The following FGF22 variants were observed in gnomAD, a reference collection of about 807,000 sequenced individuals.
The protein encoded by FGF22 is fibroblast growth factor 22.
Under a neutral mutation model 10.3 loss-of-function variants are expected in FGF22, and 11 were observed. That is an observed-to-expected ratio of 1.07 (90% CI 0.67 to 1.77). FGF22 has a LOEUF of 1.77. Ranked by LOEUF, FGF22 falls within the 40% of genes most tolerant of loss-of-function variation. The pLI is 0.00. For missense variants in FGF22, 317 were observed against 273.2 expected, an observed-to-expected ratio of 1.16 and a Z score of -1.13; for synonymous variants, 136 against 122.1, an observed-to-expected ratio of 1.11 and a Z score of -0.75.
chr19:640,201 C>G lies in FGF22; in HGVS notation c.214+62C>G, dbSNP rs893024617. The G allele has an allele frequency of 1.2e-5, 14 of 1,142,476 alleles. No homozygotes were observed. The African/African-American group carries it at 2.3e-4, about 18-fold the overall frequency. 70.8% of individuals were successfully genotyped at this position (1,142,476 alleles called of 1,614,324 possible). A position where few individuals can be genotyped will look rare whatever the true frequency, so the allele number is the denominator to read the frequency against. ...CGGCGGGTGACGGCAACGCGGCCGC[C>G]GTCTTCACGGTGACCTGCGCCCGCG... is the stretch of plus-strand genomic sequence containing the variant. On this transcript the variant is annotated intron_variant, in intron 1 of 2. Transcript: ENST00000215530.
intron 1 of FGF22, among the ~76,000 whole-genome samples, 190 bp from the exon 2 acceptor site, chr19:643,044 TG>T (rs796395085): frequency 7.2e-3 from 113 of 15,696 alleles, no homozygotes; most frequent in African/African-American, 0.017. Context: ...CCTCACATGC[TG>T]GGGGGGGCTC....
At position 643,397 on chromosome 19, in the gene FGF22, C is replaced by G; in HGVS notation, c.319-13C>G. Reference sequence around the variant, plus strand: ...GGGTGGGGAGGGTGGGCCGGCCTCACCCCCGCCCGCAGCGACTCTACACCG... The same window carrying G: ...GGGTGGGGAGGGTGGGCCGGCCTCAGCCCCGCCCGCAGCGACTCTACACCG... On this transcript the variant is annotated splice_polypyrimidine_tract_variant and intron_variant, in intron 2 of 2. Coordinates refer to ENST00000215530, the Ensembl canonical transcript of FGF22. 6.2e-7 allele frequency: 1 copy of G among 1,608,130 alleles called. No homozygotes were observed. Among genetic ancestry groups the G allele is most frequent in the South Asian group, 1.1e-5 (1 of 90,766 alleles).
chr19:640,707 G>A (rs965761456), intron 1 of FGF22: 6 of 176,730 alleles, frequency 3.4e-5, no homozygotes, highest in South Asian at 1.2e-4. Context: ...ACTGAGGTAG[G>A]CCCTCAGTGT....
At chr19:639,919 C>T (rs924205999) in exon 1 of FGF22, 10 of 1,218,596 alleles carry the variant, frequency 8.2e-6, no homozygotes, top group Non-Finnish European at 9.2e-6. Context: ...GAACCGGGTG[C>T]CGGGTCATGC....
chr19:643,422 G>A lies in FGF22; in HGVS notation c.331G>A (p.Val111Met), dbSNP rs148675872. The A allele has an allele frequency of 5.6e-5, 91 of 1,611,086 alleles. No homozygotes were observed. The highest frequency in any genetic ancestry group is 1.1e-4 in the African/African-American group (8 of 74,870). The stretch of plus-strand genomic sequence containing the variant: ...CCCCCGCCCGCAGCGACTCTACACC[G>A]TGGACTGCAGGTTCCGGGAGCGCAT... The change falls in exon 3 of 3, where the codon GTG (valine) becomes ATG (methionine). Residue 111 changes from valine (V) to methionine (M), a missense_variant. By Grantham distance (21) the Val-to-Met change is conservative (BLOSUM62 1). Transcript: ENST00000215530.
chr19:641,607 C>T (rs1029609522), intron 1 of FGF22: 3 of 255,838 alleles, frequency 1.2e-5, no homozygotes, highest in African/African-American at 4.5e-5. Flanking sequence ...CAGTGAATGA[C>T]GTGAACAAGG....
At chr19:641,339 G>A in intron 1 of FGF22, 1 of 446,062 alleles carries the variant, frequency 2.2e-6, no homozygotes. Context: ...CACTTTGGGA[G>A]GCCGAGGCGG....
chr19:642,071 A>G (rs973754933), intron 1 of FGF22, among the ~76,000 whole-genome samples: 2 of 152,166 alleles, frequency 1.3e-5, no homozygotes, highest in Non-Finnish European at 2.9e-5. Context: ...GACAGCTGGC[A>G]TACAGTCGGC....
chr19:642,436 G>C (rs57828076), intron 1 of FGF22, among the ~76,000 whole-genome samples: 6 of 88,498 alleles, frequency 6.8e-5, no homozygotes, highest in African/African-American at 2.6e-4. Context: ...GGGCTGGGGG[G>C]TCTCTGGGGT....
chr19:643,743 C>G (rs1203818315), exon 3 of FGF22: 2 of 729,402 alleles, frequency 2.7e-6, no homozygotes. Flanking sequence ...CCCAGGAGCC[C>G]TCCAGGGGGG....
chr19:640,671 C>G (rs1350079166), intron 1 of FGF22: 1 of 157,180 alleles, frequency 6.4e-6, no homozygotes, highest in Non-Finnish European at 1.4e-5. Flanking sequence ...GAGCGGGCGT[C>G]TCTGTCCCCA....
chr19:641,266 C>T (rs1000826064), intron 1 of FGF22: 17 of 455,736 alleles, frequency 3.7e-5, no homozygotes, highest in Admixed American at 3.1e-4. Context: ...AACAAGGGCG[C>T]AGGTGGGTGC....
chr19:642,845 C>G (rs1284351842), intron 1 of FGF22, among the ~76,000 whole-genome samples: 2 of 130,912 alleles, frequency 1.5e-5, no homozygotes, highest in African/African-American at 6.3e-5. Context: ...GTTGCTGCCC[C>G]CCTGACGTCC....
At chr19:641,764 G>C (rs1299141980) in intron 1 of FGF22, among the ~76,000 whole-genome samples, 2 of 152,122 alleles carry the variant, frequency 1.3e-5, no homozygotes, top group African/African-American at 4.8e-5. Context: ...TGTGTGTCCT[G>C]GAAGGTCGGG....
exon 3 of FGF22, chr19:643,904 C>T (rs1247928254): frequency 2.3e-4 from 8 of 35,032 alleles, no homozygotes; most frequent in East Asian, 7.0e-4. Context: ...GGCAGGGGCT[C>T]GGGGTGGGGA....
chr19:643,164 C>G (rs1380903909), intron 1 of FGF22, 71 bp from the exon 2 acceptor site: 8 of 471,164 alleles, frequency 1.7e-5, no homozygotes, highest in Middle Eastern at 4.8e-4. Context: ...GGGCCCTGCA[C>G]GAAGCACAGC....
exon 3 of FGF22, chr19:643,581 T>C: frequency 6.4e-7 from 1 of 1,555,674 alleles, no homozygotes; most frequent in Non-Finnish European, 8.6e-7. Flanking sequence ...GTCCGCCCAC[T>C]TCCTGCCCGT....
At chr19:643,270 G>C in exon 2 of FGF22, 1 of 1,611,882 alleles carries the variant, frequency 6.2e-7, no homozygotes, top group Non-Finnish European at 8.5e-7. Flanking sequence ...CGTGGGCGTC[G>C]TGGTCATCAA....
chr19:643,674 T>G, exon 3 of FGF22: 3 of 1,287,282 alleles, frequency 2.3e-6, no homozygotes, highest in Non-Finnish European at 3.1e-6. Context: ...CGCTTGTTCT[T>G]CCCCCTGCGG....
Sources: gnomAD v4.1 joint callset for allele counts (sites outside exome capture counted in the v4.1 genomes callset) on GRCh38, gnomAD v4.1.1 for gene constraint, MANE v1.5 for transcripts, NCBI Gene and HGNC (gene_info 2026-07-23, HGNC 2026-07-21) for gene names.